Variants in CD33 observed in about 807,000 individuals in gnomAD.
CD33 encodes myeloid cell surface antigen CD33.
In CD33, 25 loss-of-function variants were observed where a neutral mutation model predicts 31.4. The ratio of observed to expected loss-of-function variants is 0.80; its 90% CI spans 0.58 to 1.11. CD33 has a LOEUF of 1.11. Ranked by LOEUF, CD33 falls within the 50% of genes most tolerant of loss-of-function variation. The pLI, the probability that CD33 is intolerant of heterozygous loss-of-function variation, is 0.00. For synonymous variants in CD33, 176 were observed against 180.6 expected, an observed-to-expected ratio of 0.97 and a Z score of 0.20; for missense variants, 407 against 448.1, an observed-to-expected ratio of 0.91 and a Z score of 0.83.
intron 4 of CD33, among the ~76,000 whole-genome samples, chr19:51,232,919 A>T (rs1463756204): frequency 2.0e-5 from 3 of 152,110 alleles, no homozygotes; most frequent in African/African-American, 7.2e-5. Flanking sequence ...TGGCTGGCCT[A>T]GGTGTGTTTT....
intron 4 of CD33, among the ~76,000 whole-genome samples, chr19:51,231,021 A>T (rs1477065495): frequency 6.6e-6 from 1 of 152,224 alleles, no homozygotes; most frequent in Non-Finnish European, 1.5e-5. Context: ...AGCCTCTGGA[A>T]TGTGTCCAGA....
At chr19:51,211,977 T>C in the CD33 span, 2 of 1,200,442 alleles carry the variant, frequency 1.7e-6, no homozygotes, top group Admixed American at 1.7e-5. Context: ...GATCATCCCA[T>C]GGCCCCAGGA....
upstream of CD33, among the ~76,000 whole-genome samples, chr19:51,224,908 C>T (rs923422973): frequency 6.6e-6 from 1 of 152,172 alleles, no homozygotes; most frequent in Non-Finnish European, 1.5e-5. Context: ...CCTCCCATCT[C>T]TGGGCGGGTC....
chr19:51,211,864 C>A, the CD33 span: 1 of 1,312,908 alleles, frequency 7.6e-7, no homozygotes. Context: ...CTGACCTGCT[C>A]TGTGCCCTCG....
chr19:51,217,426 T>C, the CD33 span, among the ~76,000 whole-genome samples: 12 of 151,602 alleles, frequency 7.9e-5, no homozygotes, highest in South Asian at 6.2e-4. Flanking sequence ...TTTTTTTTTT[T>C]CTTGAGACGG....
chr19:51,212,279 G>A, the CD33 span, among the ~76,000 whole-genome samples: 5 of 152,150 alleles, frequency 3.3e-5, no homozygotes, highest in African/African-American at 1.2e-4. Context: ...CACCCCAACT[G>A]AATGGGAAAT....
chr19:51,220,993 A>G (rs544180698), upstream of CD33, among the ~76,000 whole-genome samples: 1 of 152,352 alleles, frequency 6.6e-6, no homozygotes, highest in South Asian at 2.1e-4. Context: ...CAAAACAAAA[A>G]CATAAGTAAA....
intron 4 of CD33, among the ~76,000 whole-genome samples, chr19:51,234,257 C>T (rs1356507064): frequency 6.6e-6 from 1 of 152,152 alleles, no homozygotes; most frequent in Non-Finnish European, 1.5e-5. Flanking sequence ...ACATTTGTTA[C>T]AGTCAATAAA....
intron 4 of CD33, among the ~76,000 whole-genome samples, chr19:51,227,784 A>G (rs1175967503): frequency 3.3e-5 from 5 of 152,114 alleles, no homozygotes. Flanking sequence ...TACTCATAAA[A>G]TATTTTTCCA....
chr19:51,228,607 T>A (rs1414167602), intron 4 of CD33, among the ~76,000 whole-genome samples: 1 of 152,276 alleles, frequency 6.6e-6, no homozygotes, highest in Non-Finnish European at 1.5e-5. Flanking sequence ...TGATTTTGCA[T>A]CCTGCAAATT....
At position 51,225,730 on chromosome 19, in the gene CD33, G is replaced by A. The variant is rs548761150; in HGVS notation, c.419-73G>A. 18 of 1,551,972 alleles carry A rather than the reference G, an allele frequency of 1.2e-5. No individual in the cohort carries two copies. In the African/African-American group the frequency reaches 1.5e-4, roughly 13 times the overall value. On this transcript the variant is annotated intron_variant, in intron 2 of 6. Coordinates refer to ENST00000262262, the MANE Select transcript of CD33 (RefSeq NM_001772.4). ...CGTGCTTAGCGGGGGAGCTTGACCA[G>A]AGGTTGATCTTCTCTCAGGCCCTCA...
intron 4 of CD33, among the ~76,000 whole-genome samples, chr19:51,232,534 T>C (rs1333213438): frequency 6.6e-6 from 1 of 152,218 alleles, no homozygotes; most frequent in Non-Finnish European, 1.5e-5. Context: ...GGAAATACCA[T>C]AATGTGAATA....
At chr19:51,233,167 G>A (rs1474970981) in intron 4 of CD33, among the ~76,000 whole-genome samples, 5 of 152,292 alleles carry the variant, frequency 3.3e-5, no homozygotes, top group Admixed American at 1.3e-4. Context: ...CACAGAAGGC[G>A]TCTGGGCACC....
the CD33 span, chr19:51,212,104 G>A: frequency 1.6e-6 from 1 of 627,266 alleles, no homozygotes; most frequent in Non-Finnish European, 2.8e-6. Flanking sequence ...GGGTCCCTGA[G>A]GGTGTGATGG....
In CD33 at chr19:51,235,187, A is replaced by G. The variant is rs1981690996; in HGVS notation, c.776A>G (p.His259Arg). Residue 259 changes from histidine to arginine, a missense_variant, in exon 5 of 7, where the codon CAT becomes CGT. Physicochemically the swap from His to Arg is conservative, Grantham distance 29. Transcript: ENST00000262262. ...GKQETRAGVV[H>R]GAIGGAGVTA... is the part of the protein sequence containing the mutation. ...CAAGAGACCAGAGCAGGAGTGGTTC[A>G]TGGGGCCATTGGAGGAGCTGGTGTT... The G allele has an allele frequency of 1.2e-6, 2 of 1,614,036 alleles. No individual in the cohort carries two copies. Among genetic ancestry groups the G allele is most frequent in the East Asian group, 2.2e-5 (1 of 44,898 alleles).
upstream of CD33, among the ~76,000 whole-genome samples, chr19:51,220,433 A>G (rs907898056): frequency 6.6e-6 from 1 of 152,174 alleles, no homozygotes; most frequent in African/African-American, 2.4e-5. Context: ...CTTCTTCCAC[A>G]TTATTGTGGC....
At position 51,235,672 on chromosome 19, in the gene CD33, C is replaced by T. The variant is rs142485148; in HGVS notation, c.920C>T (p.Ser307Phe). The change falls in exon 6 of 7, where the codon TCC (serine) becomes TTC (phenylalanine). Residue 307 changes from serine to phenylalanine, a missense_variant. Transcript: ENST00000262262. ...NDTHPTTGSA[S>F]PKHQKKSKLH... ...ACCCACCCTACCACAGGGTCAGCCT[C>T]CCCGGTGAGTGATGGGGCATCCTGG... is the stretch of plus-strand genomic sequence containing the variant. 192 of 1,612,702 alleles carry T rather than the reference C, an allele frequency of 1.2e-4. No individual in the cohort carries two copies. The African/African-American group carries it at 2.3e-3, about 19-fold the overall frequency.
chr19:51,224,982 G>T, upstream of CD33: 1 of 1,075,454 alleles, frequency 9.3e-7, no homozygotes, highest in Non-Finnish European at 1.4e-6. Flanking sequence ...GCATGTGTGG[G>T]TCTGAGGTTC....
chr19:51,211,566 C>T, the CD33 span: 4 of 1,515,326 alleles, frequency 2.6e-6, no homozygotes, highest in East Asian at 2.3e-5. Flanking sequence ...ACAAATCTCC[C>T]CAGCTCTCTG....
Sources: allele counts gnomAD v4.1 joint callset (sites outside exome capture counted in the v4.1 genomes callset), GRCh38; gene constraint gnomAD v4.1.1; transcripts MANE v1.5; gene names NCBI Gene and HGNC (gene_info 2026-07-23, HGNC 2026-07-21).